The following GLRX3 variants were observed in gnomAD, a reference collection of about 807,000 sequenced individuals.
GLRX3 encodes the protein glutaredoxin-3.
A neutral mutation model predicts 49.5 loss-of-function variants in GLRX3; 22 were observed. The observed-to-expected ratio is 0.44, with a 90% CI of 0.32 to 0.63. The LOEUF (loss-of-function observed/expected upper bound fraction) is 0.63, where lower values mean the gene tolerates loss of function less well. Ranked by LOEUF, GLRX3 falls within the 30% of genes least tolerant of loss-of-function variation. The pLI is 0.05. For missense variants in GLRX3, 385 were observed against 396.3 expected, an observed-to-expected ratio of 0.97 and a Z score of 0.24; for synonymous variants, 133 against 140.0, an observed-to-expected ratio of 0.95 and a Z score of 0.35.
chr10:130,178,585 C>T (rs372064111), intron 10 of GLRX3, among the ~76,000 whole-genome samples: 2 of 151,890 alleles, frequency 1.3e-5, no homozygotes, highest in African/African-American at 4.8e-5. Context: ...TTGAAAGTCA[C>T]TTGATTTATT....
At chr10:130,171,139 A>AATAC (rs903901958) in intron 7 of GLRX3, among the ~76,000 whole-genome samples, 1 of 151,812 alleles carries the variant, frequency 6.6e-6, no homozygotes, top group African/African-American at 2.4e-5. Flanking sequence ...TAAATAAATA[A>AATAC]ATAAATAAAT....
Position 130,154,283 on chromosome 10 carries a change from C to T in GLRX3, c.202-5712C>T, listed in dbSNP as rs191371708. Among the ~76,000 whole-genome samples the T allele has an allele frequency of 1.4e-3, 208 of 152,328 alleles. 1 individual carries two copies. Among genetic ancestry groups the T allele is most frequent in the African/African-American group, 4.5e-3 (188 of 41,586 alleles). On this transcript the variant is annotated intron_variant, in intron 2 of 10. Coordinates refer to ENST00000331244, the MANE Select transcript of GLRX3 (RefSeq NM_006541.5). ...GAAAGGGAAATCCTCCAACCCCTTG[C>T]GCTTCCTGGGTGAGGTGACGCCCTG... is the stretch of plus-strand genomic sequence containing the variant.
Position 130,160,784 on chromosome 10 carries a change from T to C in GLRX3, c.277-12T>C, listed in dbSNP as rs371175654. On this transcript the variant is annotated splice_polypyrimidine_tract_variant and intron_variant, in intron 3 of 10. Transcript: ENST00000331244. ...ATGCTGCATGTATTCTAAATAACTT[T>C]TTAAACTTTAGAATTCTCAGAAAAT... 2.0e-6 allele frequency: 3 copies of C among 1,507,628 alleles called. No individual in the cohort carries two copies. The highest frequency in any genetic ancestry group is 1.7e-5 in the Admixed American group (1 of 59,894). 93.4% of individuals were successfully genotyped at this position (1,507,628 alleles called of 1,614,324 possible).
At chr10:130,158,082 G>A (rs1197141194) in intron 2 of GLRX3, among the ~76,000 whole-genome samples, 1 of 152,110 alleles carries the variant, frequency 6.6e-6, no homozygotes, top group Non-Finnish European at 1.5e-5. Flanking sequence ...CCTTCCTCTG[G>A]GAGCTGATTG....
intron 6 of GLRX3, among the ~76,000 whole-genome samples, chr10:130,168,790 G>A (rs946757814): frequency 6.6e-6 from 1 of 152,178 alleles, no homozygotes; most frequent in East Asian, 1.9e-4. Flanking sequence ...ACATGGTGGC[G>A]TGACCCCATG....
intron 10 of GLRX3, among the ~76,000 whole-genome samples, chr10:130,175,460 G>T (rs919459024): frequency 1.3e-5 from 2 of 152,202 alleles, no homozygotes; most frequent in Non-Finnish European, 2.9e-5. Context: ...GAGGCCTGTG[G>T]CCCGGTGCTG....
intron 2 of GLRX3, among the ~76,000 whole-genome samples, chr10:130,146,131 T>C (rs1319831546): frequency 6.6e-6 from 1 of 152,198 alleles, no homozygotes; most frequent in East Asian, 1.9e-4. Flanking sequence ...GTGTGAGGCA[T>C]GACTACCAAA....
At chr10:130,151,652 G>A (rs1862379230) in intron 2 of GLRX3, among the ~76,000 whole-genome samples, 1 of 152,004 alleles carries the variant, frequency 6.6e-6, no homozygotes, top group Admixed American at 6.6e-5. Context: ...ATTGTTTGCT[G>A]AAAATGCTGG....
intron 1 of GLRX3, among the ~76,000 whole-genome samples, chr10:130,144,629 G>A (rs1307387167): frequency 1.3e-5 from 2 of 152,096 alleles, no homozygotes; most frequent in Non-Finnish European, 2.9e-5. Context: ...CCCTGCAAAG[G>A]ACATGAACTC....
At chr10:130,168,198 G>C (rs577740679) in intron 6 of GLRX3, among the ~76,000 whole-genome samples, 7 of 152,278 alleles carry the variant, frequency 4.6e-5, no homozygotes, top group African/African-American at 1.4e-4. Flanking sequence ...AAAGGGCTCC[G>C]AGTGAGCAGA....
chr10:130,156,818 G>A (rs945741505), intron 2 of GLRX3, among the ~76,000 whole-genome samples: 4 of 152,186 alleles, frequency 2.6e-5, no homozygotes, highest in African/African-American at 9.7e-5. Context: ...CTTGGTATAG[G>A]AAGCAAGTGG....
At chr10:130,138,348 C>G (rs542782118) in intron 1 of GLRX3, among the ~76,000 whole-genome samples, 6 of 152,266 alleles carry the variant, frequency 3.9e-5, no homozygotes, top group Admixed American at 1.3e-4. Flanking sequence ...CTTGAGCCCC[C>G]GTGACCTGCC....
intron 4 of GLRX3, 38 bp from the exon 5 acceptor site, chr10:130,166,469 A>G (rs1384104880): frequency 1.3e-6 from 2 of 1,513,374 alleles, no homozygotes; most frequent in Non-Finnish European, 9.2e-7. Context: ...GTTTTGGGAG[A>G]GAGAAGTTAA....
chr10:130,158,846 G>A (rs1862525406), intron 2 of GLRX3, among the ~76,000 whole-genome samples: 1 of 151,972 alleles, frequency 6.6e-6, no homozygotes, highest in Non-Finnish European at 1.5e-5. Context: ...TTTAAAAATG[G>A]AAATAATTAA....
intron 1 of GLRX3, among the ~76,000 whole-genome samples, chr10:130,141,212 G>A (rs929246195): frequency 6.6e-6 from 1 of 152,048 alleles, no homozygotes; most frequent in Non-Finnish European, 1.5e-5. Flanking sequence ...GGAGGCTGAG[G>A]TGGGAGGATC....
At chr10:130,146,178 C>T (rs796304010) in intron 2 of GLRX3, among the ~76,000 whole-genome samples, 47 of 152,304 alleles carry the variant, frequency 3.1e-4, no homozygotes, top group African/African-American at 1.1e-3. Flanking sequence ...TTGGAGAGCA[C>T]AGGCAGACAA....
chr10:130,176,858 A>T (rs1401265583), intron 10 of GLRX3, among the ~76,000 whole-genome samples: 2 of 147,364 alleles, frequency 1.4e-5, no homozygotes, highest in African/African-American at 5.0e-5. Context: ...AATACTCTTG[A>T]GCCTGTTCTT....
At chr10:130,141,824 A>G (rs982113845) in intron 1 of GLRX3, among the ~76,000 whole-genome samples, 26 of 152,194 alleles carry the variant, frequency 1.7e-4, no homozygotes, top group African/African-American at 6.3e-4. Flanking sequence ...GGCAATGGAC[A>G]AAAAAGCTTC....
intron 1 of GLRX3, among the ~76,000 whole-genome samples, chr10:130,139,653 A>C (rs953349475): frequency 1.4e-5 from 2 of 141,874 alleles, no homozygotes; most frequent in Admixed American, 7.0e-5. Flanking sequence ...AAAAAAAAAA[A>C]ACCAAAAAAA....
Sources: gnomAD v4.1 joint callset for allele counts (sites outside exome capture counted in the v4.1 genomes callset) on GRCh38, gnomAD v4.1.1 for gene constraint, MANE v1.5 for transcripts, NCBI Gene and HGNC (gene_info 2026-07-23, HGNC 2026-07-21) for gene names.